STK10: variants seen among roughly 807,000 people sequenced by gnomAD.
STK10 encodes serine/threonine kinase 10.
A neutral mutation model predicts 113.8 loss-of-function variants in STK10; 78 were observed. The ratio of observed to expected loss-of-function variants is 0.69; its 90% CI spans 0.57 to 0.83. The LOEUF (loss-of-function observed/expected upper bound fraction) is 0.83. Among genes scored for constraint, STK10 ranks in the 40% least tolerant of loss-of-function variants. STK10 has a pLI of 0.00. For synonymous variants in STK10, 465 were observed against 494.7 expected, an observed-to-expected ratio of 0.94 and a Z score of 0.80; for missense variants, 1,109 against 1,280.1, an observed-to-expected ratio of 0.87 and a Z score of 2.04.
At chr5:172,057,542 C>T (rs1013090728) in intron 14 of STK10, 69 bp from the exon 15 acceptor site, 7 of 1,515,898 alleles carry the variant, frequency 4.6e-6, no homozygotes, top group South Asian at 1.2e-5. Context: ...CCCTGCCCCC[C>T]ACCTCTGCCT....
At chr5:172,182,932 C>T (rs1581194648) in intron 1 of STK10, among the ~76,000 whole-genome samples, 1 of 152,126 alleles carries the variant, frequency 6.6e-6, no homozygotes, top group Admixed American at 6.5e-5. Context: ...GGATACCAGG[C>T]TCAGTGGCTC....
rs894151524 is a variant in STK10, at chr5:172,160,160, C to A, written c.157-3372G>T. On this transcript the variant is annotated intron_variant, in intron 1 of 18. Coordinates refer to ENST00000176763, the MANE Select transcript of STK10 (RefSeq NM_005990.4). ...CAAAAAAAAAAGAAAGAAAAAAAAACCACAAACACATTTCCCTACAAAATG... is the reference window on the plus strand; with the variant it reads ...CAAAAAAAAAAGAAAGAAAAAAAAAACACAAACACATTTCCCTACAAAATG... 1.0e-4 allele frequency among the ~76,000 whole-genome samples: 15 copies of A among 144,852 alleles called. 1 individual carries two copies. Among genetic ancestry groups the A allele is most frequent in the South Asian group, 4.4e-4 (2 of 4,546 alleles).
chr5:172,056,861 G>A (rs1031995064), intron 15 of STK10, among the ~76,000 whole-genome samples: 17 of 148,442 alleles, frequency 1.1e-4, no homozygotes, highest in East Asian at 4.0e-4. Context: ...GTGAGAGAGC[G>A]ACTCCATCTC....
In STK10 at chr5:172,082,588, C is replaced by CA. The variant is rs1768458297; in HGVS notation, c.1810-84dup. ...CATGGGAAGTGGAATGGGGAGAACT[C>CA]AGAGCTTGTGATCAGACCTAAGCTT... On this transcript the variant is annotated intron_variant, in intron 11 of 18. Coordinates refer to ENST00000176763, the MANE Select transcript of STK10 (RefSeq NM_005990.4). The surrounding 1 kb of genome is among the most constrained non-coding windows in gnomAD (Gnocchi z 4.3). The CA allele has an allele frequency of 6.8e-7, 1 of 1,476,482 alleles. No homozygotes were observed. Among genetic ancestry groups the CA allele is most frequent in the Non-Finnish European group, 9.1e-7 (1 of 1,104,402 alleles). The allele number at this position is 1,476,482 out of a possible 1,614,324, so 91.5% of individuals were successfully genotyped here.
At position 172,061,721 on chromosome 5, in the gene STK10, A is replaced by G. The variant is rs149960612; in HGVS notation, c.2083-453T>C. 6.3e-3 allele frequency: 975 copies of G among 154,030 alleles called. 15 individuals are homozygous for G. The highest frequency in any genetic ancestry group is 0.023 in the African/African-American group (945 of 41,540). The allele number at this position is 154,030 out of a possible 1,614,324, so 9.5% of individuals were successfully genotyped here. ...TGCCTCGTCCTCCCAAAGTGCTGGG[A>G]TTACAGGAGTGATTGGAAACTGGAA... On this transcript the variant is annotated intron_variant, in intron 13 of 18. Transcript: ENST00000176763.
intron 1 of STK10, among the ~76,000 whole-genome samples, chr5:172,177,710 T>C (rs1770782331): frequency 1.3e-5 from 2 of 152,238 alleles, no homozygotes; most frequent in African/African-American, 4.8e-5. Flanking sequence ...TTTCCCTATT[T>C]TTCCTCTGGT....
chr5:172,135,511 C>G (rs1170732248), intron 2 of STK10, among the ~76,000 whole-genome samples: 1 of 151,786 alleles, frequency 6.6e-6, no homozygotes, highest in Non-Finnish European at 1.5e-5. Context: ...GACTCCATCT[C>G]AAAAAACAAA....
intron 12 of STK10, among the ~76,000 whole-genome samples, chr5:172,074,758 A>G (rs377350348): frequency 1.3e-5 from 2 of 152,334 alleles, no homozygotes; most frequent in African/African-American, 4.8e-5. Context: ...TTGGCTCACA[A>G]CAGTAATCAT....
Position 172,106,733 on chromosome 5 carries a change from G to A in STK10, c.675C>T (p.Ile225=), listed in dbSNP as rs1490060355. ...CGATCTGGGCCATCTCAATCAGCGT[G>A]ATGCCCAGGGACCAGATGTCGGCTT... ...DYKADIWSLG[I]TLIEMAQIEP... is the part of the protein sequence containing the mutation. Residue 225 remains isoleucine, a synonymous_variant, in exon 6 of 19, where the codon ATC becomes ATT. Transcript: ENST00000176763. 5 of 1,614,214 alleles carry A rather than the reference G, an allele frequency of 3.1e-6. No individual in the cohort carries two copies. The highest frequency in any genetic ancestry group is 1.1e-5 in the South Asian group (1 of 91,084).
Position 172,161,703 on chromosome 5 carries a change from T to C in STK10, c.157-4915A>G, listed in dbSNP as rs1433188797. ...AGGCAGTGCTGCTTATATGTGTCAG[T>C]GCATTTATCTCCTGGATCACCCTAC... is the stretch of plus-strand genomic sequence containing the variant. On this transcript the variant is annotated intron_variant, in intron 1 of 18. Transcript: ENST00000176763. 2.6e-5 allele frequency among the ~76,000 whole-genome samples: 4 copies of C among 152,180 alleles called. No homozygotes were observed. In the East Asian group the frequency reaches 7.7e-4, roughly 29 times the overall value.
chr5:172,125,542 G>C (rs373192975), intron 3 of STK10, among the ~76,000 whole-genome samples: 1 of 152,058 alleles, frequency 6.6e-6, no homozygotes, highest in Non-Finnish European at 1.5e-5. Context: ...CTGCCATCAC[G>C]CCCAGCTAAT....
At chr5:172,150,186 C>T (rs1223334392) in intron 2 of STK10, among the ~76,000 whole-genome samples, 1 of 151,476 alleles carries the variant, frequency 6.6e-6, no homozygotes, top group Non-Finnish European at 1.5e-5. Context: ...CCAGGCAGAA[C>T]TCAGGTCTCC....
chr5:172,163,700 A>G (rs1032277696), intron 1 of STK10, among the ~76,000 whole-genome samples: 4 of 152,234 alleles, frequency 2.6e-5, no homozygotes, highest in Non-Finnish European at 4.4e-5. Flanking sequence ...ACTTGGCTAA[A>G]TTCTAATGAA....
intron 4 of STK10, chr5:172,114,551 C>A (rs1334077523): frequency 2.4e-5 from 3 of 126,936 alleles, no homozygotes; most frequent in African/African-American, 6.1e-5. Flanking sequence ...GGCGCAATCT[C>A]GGCTCACTGC....
Position 172,054,626 on chromosome 5 carries a change from C to G in STK10, c.2595G>C (p.Gln865His), listed in dbSNP as rs1394769441. 2 of 1,610,884 alleles carry G rather than the reference C, an allele frequency of 1.2e-6. No individual in the cohort carries two copies. Among genetic ancestry groups the G allele is most frequent in the Non-Finnish European group, 1.7e-6 (2 of 1,179,878 alleles). ...CACACTGCGCCAGCATGTCCCGCAT[C>G]TGGTTCTCGTGTTTCTGCTGTTGCT... ...RLQQQQKHEN[Q>H]MRDMLAQCES... Residue 865 changes from glutamine (Q) to histidine (H), a missense_variant, in exon 17 of 19, where the codon CAG becomes CAC. Transcript: ENST00000176763.
At chr5:172,099,729 C>T (rs1323095030) in intron 7 of STK10, among the ~76,000 whole-genome samples, 1 of 152,230 alleles carries the variant, frequency 6.6e-6, no homozygotes. Flanking sequence ...CGCAATCTAA[C>T]ACAAGTGAAC....
At position 172,105,738 on chromosome 5, in the gene STK10, C is replaced by G. The variant is rs747803666; in HGVS notation, c.789-1G>C. The G allele has an allele frequency of 6.2e-7, 1 of 1,613,810 alleles. No individual in the cohort carries two copies. The highest frequency in any genetic ancestry group is 8.5e-7 in the Non-Finnish European group (1 of 1,180,000). ...CAGGAAGTCACGGAACTCTACAGAC[C>G]TGGGAGGACAGGCGTCAGAGGTAAG... On this transcript the variant is annotated splice_acceptor_variant, in intron 6 of 18. Transcript: ENST00000176763. LOFTEE classifies it high-confidence loss of function.
At chr5:172,170,121 C>T (rs78696329) in intron 1 of STK10, among the ~76,000 whole-genome samples, 28,269 of 131,312 alleles carry the variant, frequency 0.22, 2,790 homozygotes, top group Middle Eastern at 0.27. Context: ...CAGTATGTAT[C>T]CTTTTTTTTT....
At chr5:172,045,767 G>A (rs1767483639) in intron 18 of STK10, among the ~76,000 whole-genome samples, 1 of 152,098 alleles carries the variant, frequency 6.6e-6, no homozygotes, top group South Asian at 2.1e-4. Flanking sequence ...TTGGCTCACT[G>A]CAAATTCAGC....
Sources: allele counts gnomAD v4.1 joint callset (sites outside exome capture counted in the v4.1 genomes callset), GRCh38; gene constraint gnomAD v4.1.1; non-coding constraint Gnocchi (gnomAD v3.1); transcripts MANE v1.5; gene names NCBI Gene and HGNC (gene_info 2026-07-23, HGNC 2026-07-21).